The following STAG1 variants were observed in gnomAD, a reference collection of about 807,000 sequenced individuals.
STAG1 encodes the protein cohesin subunit SA-1.
Under a neutral mutation model 170.9 loss-of-function variants are expected in STAG1, and 26 were observed. That is an observed-to-expected ratio of 0.15 (90% CI 0.11 to 0.21). The LOEUF (loss-of-function observed/expected upper bound fraction) is 0.21. STAG1 is among the 10% of genes least tolerant of loss of function. The probability of loss-of-function intolerance (pLI) is 1.00; values close to 1 mark genes in which losing one functional copy is unlikely to be tolerated. For missense variants in STAG1, 964 were observed against 1,509.5 expected (o/e 0.64, Z 5.99); for synonymous variants, 514 against 497.7 (o/e 1.03, Z -0.44).
chr3:136,493,313 C>T (rs1471996303), intron 9 of STAG1, among the ~76,000 whole-genome samples: 1 of 151,806 alleles, frequency 6.6e-6, no homozygotes, highest in Non-Finnish European at 1.5e-5. Flanking sequence ...ACTGCACTCC[C>T]ACCTGGGTGA....
chr3:136,532,055 A>G (rs910653107), intron 6 of STAG1, among the ~76,000 whole-genome samples: 4 of 152,150 alleles, frequency 2.6e-5, no homozygotes, highest in Non-Finnish European at 4.4e-5. Context: ...TTAAAACTAA[A>G]AAAAATACAA....
intron 1 of STAG1, among the ~76,000 whole-genome samples, chr3:136,714,459 T>C (rs1943466716): frequency 6.6e-6 from 1 of 152,042 alleles, no homozygotes; most frequent in Non-Finnish European, 1.5e-5. Context: ...CCGGGCGTGG[T>C]GGCTCACGCC....
intron 14 of STAG1, among the ~76,000 whole-genome samples, chr3:136,444,231 GC>G (rs2088713081): frequency 6.6e-6 from 1 of 152,120 alleles, no homozygotes; most frequent in African/African-American, 2.4e-5. Context: ...ACGCCACCAT[GC>G]CTGGCTAACT....
At chr3:136,723,859 C>T in intron 1 of STAG1, among the ~76,000 whole-genome samples, 1 of 148,222 alleles carries the variant, frequency 6.7e-6, no homozygotes, top group Non-Finnish European at 1.5e-5. Context: ...GCCCGGCCAG[C>T]CGCCCCGTCC....
At chr3:136,640,637 G>C (rs1428409924) in intron 1 of STAG1, among the ~76,000 whole-genome samples, 3 of 150,870 alleles carry the variant, frequency 2.0e-5, no homozygotes. Flanking sequence ...CCAAAGTACT[G>C]GGATTACAGG....
chr3:136,526,876 T>A (rs1471280529), intron 6 of STAG1, among the ~76,000 whole-genome samples: 1 of 152,226 alleles, frequency 6.6e-6, no homozygotes, highest in African/African-American at 2.4e-5. Context: ...GGATATGAAA[T>A]TCTGGGTTGA....
chr3:136,465,920 T>C (rs1313510606), intron 12 of STAG1, among the ~76,000 whole-genome samples: 2 of 152,166 alleles, frequency 1.3e-5, no homozygotes, highest in Non-Finnish European at 2.9e-5. Flanking sequence ...AGTGCATGCC[T>C]GCCATCCCAG....
At chr3:136,426,328 T>G (rs968073238) in intron 16 of STAG1, among the ~76,000 whole-genome samples, 3 of 151,888 alleles carry the variant, frequency 2.0e-5, no homozygotes, top group Non-Finnish European at 4.4e-5. Flanking sequence ...GAGAATGGCG[T>G]GAACCCCCAG....
chr3:136,639,427 G>C (rs1940709371), intron 1 of STAG1, among the ~76,000 whole-genome samples: 1 of 152,102 alleles, frequency 6.6e-6, no homozygotes, highest in African/African-American at 2.4e-5. Context: ...CCTCTCTCCA[G>C]TTAAAAATTA....
At chr3:136,549,978 T>C (rs1326443012) in intron 5 of STAG1, among the ~76,000 whole-genome samples, 2 of 152,196 alleles carry the variant, frequency 1.3e-5, no homozygotes, top group Non-Finnish European at 2.9e-5. Flanking sequence ...ACCATATTAA[T>C]TGACTTTCAT....
At chr3:136,728,090 C>T (rs890277661) in intron 1 of STAG1, among the ~76,000 whole-genome samples, 12 of 151,760 alleles carry the variant, frequency 7.9e-5, no homozygotes, top group Admixed American at 1.3e-4. Context: ...ACCTGGGAGG[C>T]GGAGGTTGCA....
At chr3:136,402,878 T>C (rs2087370230) in intron 21 of STAG1, among the ~76,000 whole-genome samples, 2 of 151,954 alleles carry the variant, frequency 1.3e-5, no homozygotes, top group Non-Finnish European at 2.9e-5. Context: ...AAGCAAAAGA[T>C]ACTTCCAATG....
intron 4 of STAG1, among the ~76,000 whole-genome samples, chr3:136,595,249 C>G (rs1431510352): frequency 6.6e-6 from 1 of 152,146 alleles, no homozygotes; most frequent in Non-Finnish European, 1.5e-5. Flanking sequence ...GTCAGGATGT[C>G]CAAACTACTC....
chr3:136,622,588 T>C (rs1457756735), intron 3 of STAG1, among the ~76,000 whole-genome samples: 2 of 152,174 alleles, frequency 1.3e-5, no homozygotes, highest in African/African-American at 4.8e-5. Flanking sequence ...GAATTACTAA[T>C]AGCAAATCAC....
intron 1 of STAG1, among the ~76,000 whole-genome samples, chr3:136,642,079 AC>A (rs1940822890): frequency 6.6e-6 from 1 of 152,068 alleles, no homozygotes; most frequent in East Asian, 1.9e-4. Context: ...TAATACACTT[AC>A]AAAAGCTTGG....
rs763644751 is a variant in STAG1 at position 136,338,424 on chromosome 3, T to G, written c.3699A>C (p.Arg1233Ser). 2.5e-6 allele frequency: 4 copies of G among 1,614,004 alleles called. No homozygotes were observed. The highest frequency in any genetic ancestry group is 2.5e-6 in the Non-Finnish European group (3 of 1,179,908). Residue 1233 changes from arginine to serine, a missense_variant, in exon 33 of 34, where the codon AGA becomes AGC. Transcript: ENST00000383202. Reference sequence around the variant, plus strand: ...CAAAGAAGTCTGGCCTTAGCTCAGCTCTCTCTCGCCGATTTCTTGATGGAG... The same window carrying G: ...CAAAGAAGTCTGGCCTTAGCTCAGCGCTCTCTCGCCGATTTCTTGATGGAG... ...DLPPSRNRRERAELRPDFFDS... is the reference protein window; with the variant it reads ...DLPPSRNRRESAELRPDFFDS...
At chr3:136,390,691 C>T (rs1412782982) in intron 22 of STAG1, among the ~76,000 whole-genome samples, 5 of 152,200 alleles carry the variant, frequency 3.3e-5, no homozygotes, top group Admixed American at 6.5e-5. Context: ...TTATTTCTCA[C>T]GCCTGGCCCC....
intron 1 of STAG1, among the ~76,000 whole-genome samples, chr3:136,641,261 A>G (rs951527594): frequency 7.9e-5 from 12 of 152,234 alleles, no homozygotes; most frequent in African/African-American, 2.7e-4. Context: ...GGAATCAATA[A>G]TGAATACTAA....
At chr3:136,573,467 C>A (rs981557220) in intron 4 of STAG1, among the ~76,000 whole-genome samples, 1 of 152,074 alleles carries the variant, frequency 6.6e-6, no homozygotes, top group African/African-American at 2.4e-5. Flanking sequence ...AATAATGACA[C>A]ACTTCCCATC....
Sources: allele counts gnomAD v4.1 joint callset (sites outside exome capture counted in the v4.1 genomes callset), GRCh38; gene constraint gnomAD v4.1.1; transcripts MANE v1.5; gene names NCBI Gene and HGNC (gene_info 2026-07-23, HGNC 2026-07-21).